Variants in UBXN1 observed in about 807,000 individuals in gnomAD.
The protein encoded by UBXN1 is UBX domain protein 1.
Under a neutral mutation model 42.0 loss-of-function variants are expected in UBXN1, and 21 were observed. The ratio of observed to expected loss-of-function variants is 0.50; its 90% confidence interval spans 0.35 to 0.72. UBXN1 has a LOEUF of 0.72. Ranked by LOEUF, UBXN1 falls within the 30% of genes least tolerant of loss-of-function variation. The pLI is 0.00. For missense variants in UBXN1, 374 were observed against 382.2 expected (o/e 0.98, Z 0.18); for synonymous variants, 172 against 142.6 (o/e 1.21, Z -1.47).
chr11:62,677,551 G>T lies in UBXN1; in HGVS notation c.618C>A (p.Pro206=), dbSNP rs749767713. ...GACACTGGTCATACTCCCGCTTGGT[G>T]GGAGGCTCCTGGCTGGGAGAAGAGG... ...PVPSSPSQEP[P]TKREYDQCRI... Residue 206 remains proline (P), a synonymous_variant, in exon 7 of 9, where the codon CCC becomes CCA. Coordinates refer to ENST00000301935, the MANE Select transcript of UBXN1 (RefSeq NM_001286077.2). 1 of 1,614,170 alleles carries T rather than the reference G, an allele frequency of 6.2e-7. No individual in the cohort carries two copies. The highest frequency in any genetic ancestry group is 1.1e-5 in the South Asian group (1 of 91,070).
Position 62,679,008 on chromosome 11 carries a change from G to T in UBXN1, c.-85C>A, listed in dbSNP as rs957314868. On this transcript the variant is annotated 5_prime_UTR_variant, in exon 1 of 9. Coordinates refer to ENST00000301935, the MANE Select transcript of UBXN1 (RefSeq NM_001286077.2). The stretch of plus-strand genomic sequence containing the variant: ...GGTCAGCGCGAGGCAACCCGCCCTC[G>T]ACACCCGCCGACGGGCGCTCGCTCT... The T allele has an allele frequency of 3.1e-5, 44 of 1,421,460 alleles. No individual in the cohort carries two copies. The African/African-American group carries it at 5.4e-4, about 18-fold the overall frequency. The allele number at this position is 1,421,460 out of a possible 1,614,324, so 88.1% of individuals were successfully genotyped here.
At chr11:62,677,315 T>A (rs745969368) in intron 7 of UBXN1, 82 of 643,252 alleles carry the variant, frequency 1.3e-4, no homozygotes, top group Admixed American at 2.6e-4. Context: ...AACTGCTGAG[T>A]AAGAGAGAGG....
chr11:62,678,991 C>G lies in UBXN1; in HGVS notation c.-68G>C. 6.6e-7 allele frequency: 1 copy of G among 1,504,944 alleles called. No homozygotes were observed. Among genetic ancestry groups the G allele is most frequent in the Non-Finnish European group, 8.9e-7 (1 of 1,123,546 alleles). 93.2% of individuals were successfully genotyped at this position (1,504,944 alleles called of 1,614,324 possible). On this transcript the variant is annotated 5_prime_UTR_variant, in exon 1 of 9. Transcript: ENST00000301935. Reference sequence around the variant, plus strand: ...AGAAGGAGGGCGGGAAGGGTCAGCGCGAGGCAACCCGCCCTCGACACCCGC... The same window carrying G: ...AGAAGGAGGGCGGGAAGGGTCAGCGGGAGGCAACCCGCCCTCGACACCCGC...
In UBXN1 at chr11:62,677,941, C is replaced by T. The variant is rs779715879; in HGVS notation, c.468G>A (p.Glu156=). 2 of 1,613,984 alleles carry T rather than the reference C, an allele frequency of 1.2e-6. No individual in the cohort carries two copies. The highest frequency in any genetic ancestry group is 8.5e-7 in the Non-Finnish European group (1 of 1,179,848). ...CCTGCCCAGACCTGGCTGCTAACTCCTCGGCCTTTTCCCTCCGCCTCTCCT... is the reference window on the plus strand; with the variant it reads ...CCTGCCCAGACCTGGCTGCTAACTCTTCGGCCTTTTCCCTCCGCCTCTCCT... The part of the protein sequence containing the change: ...AAEERRREKA[E]ELAARQRVRE... Residue 156 remains glutamate, a synonymous_variant, in exon 5 of 9, where the codon GAG becomes GAA. Transcript: ENST00000301935.
Position 62,678,324 on chromosome 11 carries a change from T to A in UBXN1, c.290+15A>T. 6.2e-7 allele frequency: 1 copy of A among 1,614,132 alleles called. No individual in the cohort carries two copies. Among genetic ancestry groups the A allele is most frequent in the African/African-American group, 1.3e-5 (1 of 75,040 alleles). ...GAAGACGACCCTCAGACACGTGAGATTGTTGTTACTGTACCTCTTAGTTTG... is the reference window on the plus strand; with the variant it reads ...GAAGACGACCCTCAGACACGTGAGAATGTTGTTACTGTACCTCTTAGTTTG... On this transcript the variant is annotated intron_variant, in intron 4 of 8. Coordinates refer to ENST00000301935, the MANE Select transcript of UBXN1 (RefSeq NM_001286077.2).
At position 62,677,021 on chromosome 11, in the gene UBXN1, G is replaced by C. The variant is rs747149204; in HGVS notation, c.652-16C>G. 1.2e-6 allele frequency: 2 copies of C among 1,602,970 alleles called. No homozygotes were observed. Among genetic ancestry groups the C allele is most frequent in the South Asian group, 2.2e-5 (2 of 91,030 alleles). The stretch of plus-strand genomic sequence containing the variant: ...GCAGCCTGACCTAAAGGGCAAGGGA[G>C]ATACTCAGTATTGTGGGCATCAAAA... On this transcript the variant is annotated splice_polypyrimidine_tract_variant and intron_variant, in intron 7 of 8. Transcript: ENST00000301935.
rs1437599621 is a variant in UBXN1 at position 62,676,961 on chromosome 11, G to A, written c.696C>T (p.Ala232=). ...GCCTCACAGCTGCCAGCTGTTCCCG[G>A]GCCCGGAACGTCTGGGTCAGTGAGG... ...DGTSLTQTFR[A]REQLAAVRLY... The change falls in exon 8 of 9, where the codon GCC becomes GCT. Residue 232 remains alanine, a synonymous_variant. Coordinates refer to ENST00000301935, the MANE Select transcript of UBXN1 (RefSeq NM_001286077.2). 1.2e-6 allele frequency: 2 copies of A among 1,612,184 alleles called. No individual in the cohort carries two copies. The highest frequency in any genetic ancestry group is 1.7e-6 in the Non-Finnish European group (2 of 1,180,032).
In UBXN1 at chr11:62,676,908, TC is replaced by T. The variant is rs1565134280; in HGVS notation, c.748del (p.Glu250AsnfsTer2). 2 of 1,613,684 alleles carry T rather than the reference TC, an allele frequency of 1.2e-6. No homozygotes were observed. The highest frequency in any genetic ancestry group is 8.5e-7 in the Non-Finnish European group (1 of 1,179,992). ...RLYVELHRGE[E>X]LGGGQDPVQL... ...CACAGGGTCCTGGCCCCCACCTAGT[TC>T]CTCCCCACGGTGGAGCTCCACATAG... On this transcript the variant is annotated frameshift_variant, in exon 8 of 9. Transcript: ENST00000301935. LOFTEE classifies it high-confidence loss of function.
At chr11:62,677,119 T>C in intron 7 of UBXN1, 114 bp from the exon 8 acceptor site, 5 of 1,237,340 alleles carry the variant, frequency 4.0e-6, no homozygotes, top group Non-Finnish European at 5.5e-6. Context: ...CCAGCACAAC[T>C]ACTATTTAAA....
In UBXN1 at chr11:62,678,531, G is replaced by A. The variant is rs373658424; in HGVS notation, c.184C>T (p.Arg62Trp). ...LETPLGHILG[R>W]EPTSSEQGGL... The stretch of plus-strand genomic sequence containing the variant: ...CCTTGCTCTGAGGAAGTGGGCTCCC[G>A]TCCCAGGATATGTCCAAGGGGAGTC... Residue 62 changes from arginine (R) to tryptophan (W), a missense_variant, in exon 3 of 9, where the codon CGG (arginine) becomes TGG (tryptophan). Arg to Trp is a moderately radical substitution (Grantham distance 101). Coordinates refer to ENST00000301935, the MANE Select transcript of UBXN1 (RefSeq NM_001286077.2). The A allele has an allele frequency of 2.0e-5, 32 of 1,611,098 alleles. No homozygotes were observed. The highest frequency in any genetic ancestry group is 1.7e-5 in the Admixed American group (1 of 59,370).
chr11:62,677,403 T>C, intron 7 of UBXN1, 115 bp downstream of exon 7: 1 of 1,054,210 alleles, frequency 9.5e-7, no homozygotes. Flanking sequence ...AAAAGTCATT[T>C]ACAAAGAAGG....
intron 7 of UBXN1, 118 bp from the exon 8 acceptor site, chr11:62,677,123 A>T: frequency 8.3e-7 from 1 of 1,201,100 alleles, no homozygotes; most frequent in Non-Finnish European, 1.1e-6. Flanking sequence ...CACAACTACT[A>T]TTTAAAGCAC....
intron 8 of UBXN1, 23 bp from the exon 9 acceptor site, chr11:62,676,662 T>G (rs764561238): frequency 1.2e-6 from 2 of 1,614,186 alleles, no homozygotes; most frequent in Non-Finnish European, 1.7e-6. Flanking sequence ...GAAAACAGGC[T>G]TGAACCACAA....
intron 7 of UBXN1, 69 bp downstream of exon 7, chr11:62,677,449 G>C: frequency 4.0e-6 from 6 of 1,504,120 alleles, no homozygotes; most frequent in Non-Finnish European, 5.5e-6. Flanking sequence ...ACTGAAAAAA[G>C]CTCTGAGCTG....
chr11:62,676,717 T>C, intron 8 of UBXN1, 78 bp from the exon 9 acceptor site: 1 of 1,614,072 alleles, frequency 6.2e-7, no homozygotes, highest in Non-Finnish European at 8.5e-7. Context: ...TTGCACCATG[T>C]TCACAAAGCC....
intron 2 of UBXN1, 21 bp from the exon 3 acceptor site, chr11:62,678,622 G>A: frequency 2.5e-6 from 4 of 1,613,006 alleles, no homozygotes; most frequent in Non-Finnish European, 3.4e-6. Context: ...AAGTGGGCGG[G>A]GAGGTTAGCT....
Position 62,679,016 on chromosome 11 carries a change from C to A in UBXN1, c.-93G>T, listed in dbSNP as rs1945096344. On this transcript the variant is annotated 5_prime_UTR_variant, in exon 1 of 9. Coordinates refer to ENST00000301935, the MANE Select transcript of UBXN1 (RefSeq NM_001286077.2). ...CGAGGCAACCCGCCCTCGACACCCG[C>A]CGACGGGCGCTCGCTCTCTCACCCG... 7.2e-7 allele frequency: 1 copy of A among 1,381,028 alleles called. No homozygotes were observed. The highest frequency in any genetic ancestry group is 9.8e-7 in the Non-Finnish European group (1 of 1,022,572). The allele number at this position is 1,381,028 out of a possible 1,614,324, so 85.5% of individuals were successfully genotyped here.
Position 62,678,720 on chromosome 11 carries a change from C to T in UBXN1, c.83G>A (p.Gly28Glu), listed in dbSNP as rs1260031953. The change falls in exon 2 of 9, where the codon GGG (glycine) becomes GAG (glutamate). Residue 28 changes from glycine (G) to glutamate (E), a missense_variant. By Grantham distance (98) the Gly-to-Glu change is moderately conservative. Coordinates refer to ENST00000301935, the MANE Select transcript of UBXN1 (RefSeq NM_001286077.2). ...GRAEKALALT[G>E]NQGIEAAMDW... is the part of the protein sequence containing the mutation. ...CATCGCAGCCTCGATGCCCTGGTTC[C>T]CTGTGAGGGCCAGAGCCTTCTCCCT... 6.2e-6 allele frequency: 10 copies of T among 1,613,148 alleles called. No homozygotes were observed. The Admixed American group carries it at 1.7e-4, about 27-fold the overall frequency.
At chr11:62,678,154 G>A (rs377612893) in intron 4 of UBXN1, 36 bp from the exon 5 acceptor site, 2 of 1,611,136 alleles carry the variant, frequency 1.2e-6, no homozygotes, top group African/African-American at 1.3e-5. Flanking sequence ...AAGAGAAATG[G>A]ACAGAGTGGG....
Sources: gnomAD v4.1 joint callset for allele counts on GRCh38, gnomAD v4.1.1 for gene constraint, MANE v1.5 for transcripts, NCBI Gene and HGNC (gene_info 2026-07-23, HGNC 2026-07-21) for gene names.